FRMPD3: variants seen among roughly 807,000 people sequenced by gnomAD.
The protein encoded by FRMPD3 is FERM and PDZ domain containing 3, also known as FERM and PDZ domain-containing protein 3.
In FRMPD3, 42 loss-of-function variants were observed where a neutral mutation model predicts 97.9. The observed-to-expected ratio is 0.43, with a 90% CI of 0.34 to 0.55. The LOEUF is 0.55. Among genes scored for constraint, FRMPD3 ranks in the 20% least tolerant of loss-of-function variants. The pLI is 0.03. For missense variants in FRMPD3, 1,303 were observed against 1,457.7 expected (o/e 0.89, Z 1.73); for synonymous variants, 577 against 581.1 (o/e 0.99, Z 0.10).
chrX:107,539,454 C>T (rs373173771), intron 4 of FRMPD3, among the ~76,000 whole-genome samples: 1 of 111,610 alleles, frequency 9.0e-6, no homozygotes, highest in Non-Finnish European at 1.9e-5. Context: ...GATAAAGTAC[C>T]GGATTATGAC....
chrX:107,478,725 T>C (rs1921263005), intron 1 of FRMPD3, among the ~76,000 whole-genome samples: 1 of 112,137 alleles, frequency 8.9e-6, no homozygotes, highest in East Asian at 2.8e-4. Context: ...CATGCAATCA[T>C]ACAGAAATTG....
intron 1 of FRMPD3, among the ~76,000 whole-genome samples, chrX:107,469,967 A>G (rs1921014781): frequency 8.9e-6 from 1 of 111,789 alleles, no homozygotes; most frequent in Admixed American, 9.5e-5. Context: ...GTAACGGTGG[A>G]CACTCTGCCC....
rs1328733037 is a variant in FRMPD3, at chrX:107,545,858, C to T, written c.402+17C>T. 3.6e-6 allele frequency: 4 copies of T among 1,126,653 alleles called. No individual in the cohort carries two copies. The highest frequency in any genetic ancestry group is 4.9e-6 in the Non-Finnish European group (4 of 821,719). The allele number at this position is 1,126,653 out of a possible 1,213,427, so 92.8% of individuals were successfully genotyped here. On this transcript the variant is annotated intron_variant, in intron 5 of 14. Transcript: ENST00000683843. ...ACAGATGCAGTAAGTGTAGCTTTGG[C>T]TCCCTCTCCTCAGCCCCTGGCCATA...
At chrX:107,564,032 C>T (rs911408916) in intron 11 of FRMPD3, among the ~76,000 whole-genome samples, 3 of 112,183 alleles carry the variant, frequency 2.7e-5, no homozygotes, top group Non-Finnish European at 5.6e-5. Flanking sequence ...TGGAAAGCCA[C>T]TTATCAAAGT....
chrX:107,576,563 A>G, intron 13 of FRMPD3, 104 bp downstream of exon 13: 1 of 941,088 alleles, frequency 1.1e-6, no homozygotes, highest in Non-Finnish European at 1.5e-6. Context: ...CCGTGCCAAC[A>G]GTGCCTGATT....
intron 7 of FRMPD3, 147 bp from the exon 8 acceptor site, chrX:107,554,238 G>C: frequency 3.5e-6 from 2 of 569,881 alleles, no homozygotes; most frequent in Non-Finnish European, 5.4e-6. Context: ...AGGGTAATTA[G>C]AATCAGCCAG....
chrX:107,522,062 C>T (rs1046394229), intron 1 of FRMPD3, among the ~76,000 whole-genome samples: 1 of 111,506 alleles, frequency 9.0e-6, no homozygotes, highest in Non-Finnish European at 1.9e-5. Context: ...GGAATCAGGG[C>T]ATCTAGAGGG....
At chrX:107,516,598 G>A (rs988460106) in intron 1 of FRMPD3, among the ~76,000 whole-genome samples, 4 of 111,738 alleles carry the variant, frequency 3.6e-5, no homozygotes, top group African/African-American at 1.3e-4. Context: ...TCTCACTGTG[G>A]TTTTGATTTG....
chrX:107,460,206 G>A (rs140913009), intron 1 of FRMPD3, among the ~76,000 whole-genome samples: 1 of 111,575 alleles, frequency 9.0e-6, no homozygotes, highest in African/African-American at 3.3e-5. Context: ...GCAACAACTG[G>A]CTTAGGAGTC....
intron 7 of FRMPD3, 151 bp from the exon 8 acceptor site, chrX:107,554,234 A>G: frequency 1.8e-6 from 1 of 552,629 alleles, no homozygotes; most frequent in Non-Finnish European, 2.8e-6. Context: ...TCTGAGGGTA[A>G]TTAGAATCAG....
chrX:107,599,728 G>A (rs5962404), intron 14 of FRMPD3, among the ~76,000 whole-genome samples: 8,021 of 111,378 alleles, frequency 0.072, 308 homozygotes, highest in Middle Eastern at 0.11. Flanking sequence ...AGATCCTCTC[G>A]CCACCTCTTT....
intron 1 of FRMPD3, among the ~76,000 whole-genome samples, chrX:107,487,832 G>A: frequency 8.9e-6 from 1 of 112,116 alleles, no homozygotes; most frequent in Non-Finnish European, 1.9e-5. Context: ...AAAACGTGGA[G>A]CTTCACTCTC....
chrX:107,553,124 A>G (rs1320682864), intron 7 of FRMPD3, among the ~76,000 whole-genome samples, 198 bp downstream of exon 7: 1 of 110,401 alleles, frequency 9.1e-6, no homozygotes, highest in Non-Finnish European at 1.9e-5. Context: ...CATGAAGATC[A>G]TTAGTCTTGG....
chrX:107,536,404 C>A (rs1326221149), intron 4 of FRMPD3, among the ~76,000 whole-genome samples: 1 of 110,991 alleles, frequency 9.0e-6, no homozygotes, highest in Non-Finnish European at 1.9e-5. Flanking sequence ...TAATATGTAA[C>A]CTTTGGGGAT....
At chrX:107,522,590 A>G (rs1922545102) in intron 1 of FRMPD3, 1 of 435,305 alleles carries the variant, frequency 2.3e-6, no homozygotes, top group African/African-American at 2.5e-5. Flanking sequence ...GTGCCTCTTC[A>G]TCTCCTACCT....
chrX:107,549,738 CTCA>C (rs1454622428), intron 5 of FRMPD3, among the ~76,000 whole-genome samples: 2 of 111,737 alleles, frequency 1.8e-5, no homozygotes, highest in Non-Finnish European at 3.8e-5. Flanking sequence ...AAGGAGGCCT[CTCA>C]TCAGCCCTTC....
chrX:107,469,468 A>G (rs939342526), intron 1 of FRMPD3, among the ~76,000 whole-genome samples: 2 of 112,322 alleles, frequency 1.8e-5, no homozygotes, highest in Non-Finnish European at 3.8e-5. Context: ...ACATGTGGGA[A>G]TTATGGGAGC....
intron 1 of FRMPD3, among the ~76,000 whole-genome samples, chrX:107,520,299 A>T (rs971019151): frequency 9.0e-6 from 1 of 110,572 alleles, no homozygotes; most frequent in African/African-American, 3.3e-5. Flanking sequence ...CTTAGGGAAG[A>T]GTAGTCTGCC....
chrX:107,601,983 C>T lies in FRMPD3; in HGVS notation c.3944C>T (p.Thr1315Ile), dbSNP rs751025296. The T allele has an allele frequency of 4.3e-6, 5 of 1,169,252 alleles. No individual in the cohort carries two copies. Among genetic ancestry groups the T allele is most frequent in the Non-Finnish European group, 4.6e-6 (4 of 876,256 alleles). Residue 1315 changes from threonine to isoleucine, a missense_variant, in exon 15 of 15, where the codon ACA (threonine) becomes ATA (isoleucine). Coordinates refer to ENST00000683843, the MANE Select transcript of FRMPD3 (RefSeq NM_001388459.1). ...CRGGRPQATQTPVPSLRGRER... is the reference protein window; with the variant it reads ...CRGGRPQATQIPVPSLRGRER... ...GGGGGCCGGCCACAAGCCACCCAGA[C>T]ACCAGTGCCCAGCCTCCGGGGGAGG...
Sources: gnomAD v4.1 joint callset for allele counts (sites outside exome capture counted in the v4.1 genomes callset) on GRCh38, gnomAD v4.1.1 for gene constraint, MANE v1.5 for transcripts, NCBI Gene and HGNC (gene_info 2026-07-23, HGNC 2026-07-21) for gene names.